The following RCAN3 variants were observed in gnomAD, a reference collection of about 807,000 sequenced individuals.
The protein encoded by RCAN3 is calcipressin-3.
In RCAN3, 19 loss-of-function variants were observed where a neutral mutation model predicts 21.9. The ratio of observed to expected loss-of-function variants is 0.87; its 90% CI spans 0.61 to 1.27. The LOEUF is 1.27. Ranked by LOEUF, RCAN3 falls within the 50% of genes most tolerant of loss-of-function variation. The probability of loss-of-function intolerance (pLI) is 0.00; values close to 1 mark genes in which losing one functional copy is unlikely to be tolerated. For synonymous variants in RCAN3, 114 were observed against 112.3 expected (o/e 1.01, Z -0.09); for missense variants, 240 against 300.1 (o/e 0.80, Z 1.48).
intron 2 of RCAN3, among the ~76,000 whole-genome samples, 154 bp downstream of exon 2, chr1:24,514,721 C>T (rs1219663918): frequency 4.0e-5 from 6 of 151,804 alleles, no homozygotes; most frequent in Non-Finnish European, 8.8e-5. Context: ...GTAATCCCAG[C>T]ACTTTGGGAG....
At chr1:24,508,788 A>G (rs144030166) in intron 1 of RCAN3, among the ~76,000 whole-genome samples, 100 of 152,322 alleles carry the variant, frequency 6.6e-4, no homozygotes, top group Middle Eastern at 6.8e-3. Flanking sequence ...ACACTATACT[A>G]TAGTCTATTA....
chr1:24,503,213 T>TAAAA (rs397979662), intron 1 of RCAN3, 63 bp downstream of exon 1: 1 of 28,266 alleles, frequency 3.5e-5, no homozygotes, highest in Non-Finnish European at 5.8e-5. Context: ...CATGAAAAGT[T>TAAAA]AAAAAAAAAA....
At chr1:24,511,915 C>G (rs566496517) in intron 1 of RCAN3, among the ~76,000 whole-genome samples, 117 of 152,198 alleles carry the variant, frequency 7.7e-4, no homozygotes, top group Non-Finnish European at 1.5e-3. Context: ...GCACCTAATT[C>G]AGGAGTGACT....
At chr1:24,534,864 G>A (rs1650098819) in intron 4 of RCAN3, among the ~76,000 whole-genome samples, 1 of 152,168 alleles carries the variant, frequency 6.6e-6, no homozygotes, top group Non-Finnish European at 1.5e-5. Context: ...ATTAGCATTT[G>A]CATTTTAACT....
chr1:24,519,642 A>T (rs1570462996), intron 2 of RCAN3, among the ~76,000 whole-genome samples: 1 of 152,250 alleles, frequency 6.6e-6, no homozygotes, highest in Non-Finnish European at 1.5e-5. Context: ...ATGGTGGTTG[A>T]GGGATATTAA....
At chr1:24,532,045 G>A (rs1015268422) in intron 3 of RCAN3, among the ~76,000 whole-genome samples, 1 of 151,522 alleles carries the variant, frequency 6.6e-6, no homozygotes, top group African/African-American at 2.4e-5. Flanking sequence ...AAAAAAAAAA[G>A]GTTTGTTTTC....
chr1:24,534,947 TA>T, intron 4 of RCAN3, 145 bp from the exon 5 acceptor site: 1 of 757,864 alleles, frequency 1.3e-6, no homozygotes, highest in Non-Finnish European at 2.0e-6. Context: ...CAAAACAAGA[TA>T]AAATACTCTA....
At position 24,502,957 on chromosome 1, in the gene RCAN3, G is replaced by C. The variant is rs1474022957; in HGVS notation, c.-253G>C. On this transcript the variant is annotated 5_prime_UTR_variant, in exon 1 of 5. Coordinates refer to ENST00000374395, the MANE Select transcript of RCAN3 (RefSeq NM_013441.4). Reference sequence around the variant, plus strand: ...TCGAGGGCGTGGCGGCGAGGCTGCTGCTGCAGGCGGCTCCCGGCTCTGCCT... The same window carrying C: ...TCGAGGGCGTGGCGGCGAGGCTGCTCCTGCAGGCGGCTCCCGGCTCTGCCT... 1 of 149,820 alleles carries C rather than the reference G, an allele frequency of 6.7e-6. No individual in the cohort carries two copies. Among genetic ancestry groups the C allele is most frequent in the East Asian group, 2.0e-4 (1 of 5,126 alleles). The allele number at this position is 149,820 out of a possible 1,614,324, so 9.3% of individuals were successfully genotyped here.
chr1:24,534,279 A>G (rs972913925), intron 4 of RCAN3, among the ~76,000 whole-genome samples: 3 of 152,092 alleles, frequency 2.0e-5, no homozygotes, highest in Admixed American at 6.5e-5. Context: ...GATCCTTACA[A>G]GTATCTCCCA....
intron 2 of RCAN3, among the ~76,000 whole-genome samples, chr1:24,518,729 A>C (rs1035572188): frequency 2.6e-5 from 4 of 152,036 alleles, no homozygotes; most frequent in African/African-American, 7.2e-5. Context: ...AGTAGCTGGG[A>C]CTATAGGCAT....
chr1:24,515,938 T>G (rs926450073), intron 2 of RCAN3, among the ~76,000 whole-genome samples: 1 of 151,202 alleles, frequency 6.6e-6, no homozygotes, highest in Non-Finnish European at 1.5e-5. Context: ...AGGTCAGGAG[T>G]TCCAGACCAG....
chr1:24,535,314 G>A lies in RCAN3; in HGVS notation c.*37G>A, dbSNP rs776849767. 6.7e-7 allele frequency: 1 copy of A among 1,500,826 alleles called. No individual in the cohort carries two copies. The highest frequency in any genetic ancestry group is 2.5e-5 in the Admixed American group (1 of 39,650). The allele number at this position is 1,500,826 out of a possible 1,614,324, so 93.0% of individuals were successfully genotyped here. A position where few individuals can be genotyped will look rare whatever the true frequency, so the allele number is the denominator to read the frequency against. On this transcript the variant is annotated 3_prime_UTR_variant, in exon 5 of 5. Transcript: ENST00000374395. ...GTGGTGCGAGGCGGCTGCCCTGGTG[G>A]GCTCTGGCCATGGCGCTCTGTGCCT...
Position 24,502,865 on chromosome 1 carries a change from G to A in RCAN3, c.-345G>A, listed in dbSNP as rs1348479355. 1 of 150,386 alleles carries A rather than the reference G, an allele frequency of 6.6e-6. No homozygotes were observed. Among genetic ancestry groups the A allele is most frequent in the Non-Finnish European group, 1.5e-5 (1 of 67,352 alleles). The allele number at this position is 150,386 out of a possible 1,614,324, so 9.3% of individuals were successfully genotyped here. The stretch of plus-strand genomic sequence containing the variant: ...CAGGAGGGGACGAGGCGGGCGCGCG[G>A]CGCCGGCAGCCTAGCTCAGCCGGGA... On this transcript the variant is annotated 5_prime_UTR_variant, in exon 1 of 5. Transcript: ENST00000374395.
chr1:24,519,390 TGAG>T (rs1364777608), intron 2 of RCAN3, among the ~76,000 whole-genome samples: 8 of 152,044 alleles, frequency 5.3e-5, no homozygotes, highest in African/African-American at 1.7e-4. Context: ...GGTTTGAACA[TGAG>T]GAGTTTTCAA....
intron 2 of RCAN3, among the ~76,000 whole-genome samples, chr1:24,531,013 C>A (rs85063): frequency 0.53 from 80,955 of 151,828 alleles, 22,146 homozygotes; most frequent in East Asian, 0.74. Context: ...CCGTCTCAAA[C>A]AAATACATAA....
chr1:24,518,766 A>G (rs908225499), intron 2 of RCAN3, among the ~76,000 whole-genome samples: 1 of 150,392 alleles, frequency 6.6e-6, no homozygotes, highest in African/African-American at 2.5e-5. Flanking sequence ...CTAATTTATT[A>G]TTTATTTATT....
At chr1:24,526,534 C>T (rs1197006477) in intron 2 of RCAN3, among the ~76,000 whole-genome samples, 2 of 152,046 alleles carry the variant, frequency 1.3e-5, no homozygotes, top group Admixed American at 6.6e-5. Context: ...ATATGATTAT[C>T]AAGTAACTGT....
chr1:24,507,432 A>C (rs1157686542), intron 1 of RCAN3: 1 of 152,220 alleles, frequency 6.6e-6, no homozygotes, highest in Non-Finnish European at 1.5e-5. Context: ...GGGGTAACTA[A>C]AATACTACCT....
chr1:24,535,226 C>A lies in RCAN3; in HGVS notation c.675C>A (p.Asp225Glu). The change falls in exon 5 of 5, where the codon GAC (aspartate) becomes GAA (glutamate). Residue 225 changes from aspartate to glutamate, a missense_variant. Asp to Glu is a conservative substitution (Grantham distance 45). Transcript: ENST00000374395. ...KQKIAQTRRP[D>E]PPTAALNEPQ... ...AAATTGCCCAGACGAGGCGCCCCGA[C>A]CCTCCGACCGCAGCGTTGAATGAGC... The A allele has an allele frequency of 6.3e-7, 1 of 1,584,880 alleles. No homozygotes were observed. The highest frequency in any genetic ancestry group is 8.5e-7 in the Non-Finnish European group (1 of 1,170,406).
Sources: gnomAD v4.1 joint callset for allele counts (sites outside exome capture counted in the v4.1 genomes callset) on GRCh38, gnomAD v4.1.1 for gene constraint, MANE v1.5 for transcripts, NCBI Gene and HGNC (gene_info 2026-07-23, HGNC 2026-07-21) for gene names.